ZZEF1: variants seen among roughly 807,000 people sequenced by gnomAD.
The protein encoded by ZZEF1 is zinc finger ZZ-type and EF-hand domain-containing protein 1.
Under a neutral mutation model 342.8 loss-of-function variants are expected in ZZEF1, and 157 were observed. The ratio of observed to expected loss-of-function variants is 0.46; its 90% CI spans 0.40 to 0.52. The LOEUF is 0.52. ZZEF1 is among the 20% of genes least tolerant of loss of function. The probability of loss-of-function intolerance (pLI) is 0.00; values close to 1 mark genes in which losing one functional copy is unlikely to be tolerated. For synonymous variants in ZZEF1, 1,505 were observed against 1,429.1 expected (o/e 1.05, Z -1.20); for missense variants, 3,480 against 3,725.6 (o/e 0.93, Z 1.72).
chr17:4,033,829 T>C, intron 40 of ZZEF1, 186 bp downstream of exon 40: 1 of 711,928 alleles, frequency 1.4e-6, no homozygotes, highest in Admixed American at 2.9e-5. Flanking sequence ...TTAACGTTGG[T>C]GTTAAGCACA....
At chr17:4,033,242 G>A (rs1337033671) in intron 40 of ZZEF1, 34 of 438,708 alleles carry the variant, frequency 7.8e-5, no homozygotes, top group East Asian at 3.2e-5. Context: ...AAAATCACCT[G>A]TGTGTGTGCA....
chr17:4,021,463 AATGT>A lies in ZZEF1; in HGVS notation c.7213-147_7213-144del, dbSNP rs2056268852. 8.2e-6 allele frequency: 5 copies of A among 608,244 alleles called. No individual in the cohort carries two copies. The South Asian group carries it at 1.4e-4, about 17-fold the overall frequency. The allele number at this position is 608,244 out of a possible 1,614,324, so 37.7% of individuals were successfully genotyped here. ...AATGTGAAATTAGAAAAGAAACACG[AATGT>A]ATGTTTAATTACACTTTGTGACCGA... On this transcript the variant is annotated intron_variant, in intron 44 of 54. Coordinates refer to ENST00000381638, the MANE Select transcript of ZZEF1 (RefSeq NM_015113.4).
At chr17:4,126,245 A>C (rs1043978985) in intron 1 of ZZEF1, among the ~76,000 whole-genome samples, 1 of 147,046 alleles carries the variant, frequency 6.8e-6, no homozygotes, top group Non-Finnish European at 1.5e-5. Flanking sequence ...AAAAAAAAAA[A>C]GAGTTAGGAG....
rs769754955 is a variant in ZZEF1 at position 4,104,782 on chromosome 17, G to C, written c.1424C>G (p.Thr475Ser). Reference sequence around the variant, plus strand: ...TCTTGCGAGAGCAAAAGCCAGAAGAGTCAGTTCTACCTCTGGGGTAGAACA... The same window carrying C: ...TCTTGCGAGAGCAAAAGCCAGAAGACTCAGTTCTACCTCTGGGGTAGAACA... ...SCCSTPEVEL[T>S]LLAFALARGS... The change falls in exon 8 of 55, where the codon ACT (threonine) becomes AGT (serine). Residue 475 changes from threonine (T) to serine (S), a missense_variant. This residue lies in a region of ZZEF1 where 1,528 missense variants were observed against 1,624.1 expected (regional missense o/e 0.94). Coordinates refer to ENST00000381638, the MANE Select transcript of ZZEF1 (RefSeq NM_015113.4). The C allele has an allele frequency of 6.2e-7, 1 of 1,613,992 alleles. No individual in the cohort carries two copies. Among genetic ancestry groups the C allele is most frequent in the African/African-American group, 1.3e-5 (1 of 74,924 alleles).
At chr17:4,009,822 G>C (rs2055899919) in intron 52 of ZZEF1, 65 bp from the exon 53 acceptor site, 1 of 1,566,368 alleles carries the variant, frequency 6.4e-7, no homozygotes, top group Non-Finnish European at 8.7e-7. Context: ...ATGGCTTACA[G>C]CTGGCAGGAA....
intron 38 of ZZEF1, 82 bp from the exon 39 acceptor site, chr17:4,042,650 G>C: frequency 2.2e-6 from 3 of 1,355,436 alleles, no homozygotes; most frequent in Non-Finnish European, 3.0e-6. Context: ...ACTGTCCCCT[G>C]TGCTGCTACG....
At chr17:4,010,298 G>A (rs2055912818) in intron 52 of ZZEF1, among the ~76,000 whole-genome samples, 1 of 151,934 alleles carries the variant, frequency 6.6e-6, no homozygotes, top group Non-Finnish European at 1.5e-5. Context: ...AGGTTGCAGT[G>A]AGCCATGAGT....
chr17:4,110,711 T>C (rs1474321777), intron 5 of ZZEF1, among the ~76,000 whole-genome samples: 1 of 144,908 alleles, frequency 6.9e-6, no homozygotes, highest in Non-Finnish European at 1.5e-5. Flanking sequence ...AATTACGGCT[T>C]TTTTTTTTTT....
chr17:4,063,573 T>C (rs1386546263), intron 29 of ZZEF1, among the ~76,000 whole-genome samples: 2 of 152,212 alleles, frequency 1.3e-5, no homozygotes, highest in African/African-American at 4.8e-5. Flanking sequence ...ATATCTTTTT[T>C]TTGTTTTTCA....
At chr17:4,073,614 T>C (rs2057552556) in intron 24 of ZZEF1, among the ~76,000 whole-genome samples, 1 of 152,140 alleles carries the variant, frequency 6.6e-6, no homozygotes, top group Non-Finnish European at 1.5e-5. Flanking sequence ...TTTTACATTT[T>C]TTTTGGTAAA....
rs2056105697 is a variant in ZZEF1, at chr17:4,016,510, TCAGG to T, written c.8002-48_8002-45del. 6.4e-7 allele frequency: 1 copy of T among 1,571,232 alleles called. No homozygotes were observed. Among genetic ancestry groups the T allele is most frequent in the Admixed American group, 1.9e-5 (1 of 52,680 alleles). ...ATAAGGTCAGGGCCTGCAAGTGGCA[TCAGG>T]AAGAAGGGACAGTTTACTTCAACCC... is the stretch of plus-strand genomic sequence containing the variant. On this transcript the variant is annotated intron_variant, in intron 48 of 54. Coordinates refer to ENST00000381638, the MANE Select transcript of ZZEF1 (RefSeq NM_015113.4). The surrounding 1 kb of genome is among the most constrained non-coding windows in gnomAD (Gnocchi z 4.4).
chr17:4,125,895 A>G (rs2058565101), intron 1 of ZZEF1, among the ~76,000 whole-genome samples: 1 of 152,176 alleles, frequency 6.6e-6, no homozygotes, highest in Non-Finnish European at 1.5e-5. Context: ...GGAAATGCTC[A>G]TGATAAAAGT....
chr17:4,030,127 A>G (rs2056509751), intron 42 of ZZEF1, among the ~76,000 whole-genome samples: 1 of 152,102 alleles, frequency 6.6e-6, no homozygotes, highest in Non-Finnish European at 1.5e-5. Context: ...GGCAGTAATC[A>G]AAGAAACAGC....
chr17:4,060,824 A>G (rs62072436), intron 30 of ZZEF1, among the ~76,000 whole-genome samples: 6,503 of 152,250 alleles, frequency 0.043, 178 homozygotes, highest in Non-Finnish European at 0.063. Flanking sequence ...CGTGTGTCCT[A>G]TTTCCTCACT....
chr17:4,034,262 G>A lies in ZZEF1; in HGVS notation c.6337C>T (p.His2113Tyr). The change falls in exon 40 of 55, where the codon CAC becomes TAC. Residue 2113 changes from histidine to tyrosine, a missense_variant. Coordinates refer to ENST00000381638, the MANE Select transcript of ZZEF1 (RefSeq NM_015113.4). Reference protein sequence around the residue: ...GPTVPLIDLEHVLPLMFQVVI... With the variant: ...GPTVPLIDLEYVLPLMFQVVI... ...ACCTGAAACATGAGTGGAAGGACGT[G>A]CTCCAGGTCTATCAGGGGAACCGTG... 2 of 1,614,232 alleles carry A rather than the reference G, an allele frequency of 1.2e-6. No homozygotes were observed. Among genetic ancestry groups the A allele is most frequent in the Non-Finnish European group, 1.7e-6 (2 of 1,180,034 alleles).
chr17:4,030,310 A>C (rs972314429), intron 42 of ZZEF1, among the ~76,000 whole-genome samples: 2 of 152,216 alleles, frequency 1.3e-5, no homozygotes, highest in East Asian at 3.8e-4. Flanking sequence ...GCTGAGAGAA[A>C]TTAAAGAAAC....
chr17:4,107,383 G>C (rs1421952104), intron 6 of ZZEF1, among the ~76,000 whole-genome samples: 1 of 149,588 alleles, frequency 6.7e-6, no homozygotes, highest in African/African-American at 2.6e-5. Context: ...GCAGACATTT[G>C]TATGTGTCTG....
chr17:4,126,481 A>G (rs2058575459), intron 1 of ZZEF1, among the ~76,000 whole-genome samples: 1 of 152,184 alleles, frequency 6.6e-6, no homozygotes, highest in Non-Finnish European at 1.5e-5. Context: ...AAAATTTTGG[A>G]AGCTTGGAAA....
At chr17:4,027,286 CTTTTTTTTTTTTT>C (rs1179743466) in intron 42 of ZZEF1, among the ~76,000 whole-genome samples, 9 of 67,998 alleles carry the variant, frequency 1.3e-4, no homozygotes, top group Non-Finnish European at 2.1e-4. Flanking sequence ...CAATATCTCA[CTTTTTTTTTTTTT>C]TTTTTTTTTT....
Sources: gnomAD v4.1 joint callset for allele counts (sites outside exome capture counted in the v4.1 genomes callset) on GRCh38, gnomAD v4.1.1 for gene constraint, gnomAD v4.1.1 regional missense constraint, Gnocchi (gnomAD v3.1) non-coding constraint, MANE v1.5 for transcripts, NCBI Gene and HGNC (gene_info 2026-07-23, HGNC 2026-07-21) for gene names.